Variants in KAT6A observed in about 807,000 individuals in gnomAD.
KAT6A encodes the protein histone acetyltransferase KAT6A.
In KAT6A, 9 loss-of-function variants were observed where a neutral mutation model predicts 198.4. The observed-to-expected ratio is 0.05, with a 90% confidence interval of 0.03 to 0.08. KAT6A has a LOEUF of 0.08. Ranked by LOEUF, KAT6A falls within the 10% of genes least tolerant of loss-of-function variation. KAT6A has a pLI of 1.00. For missense variants in KAT6A, 2,077 were observed against 2,509.9 expected (o/e 0.83, Z 3.69); for synonymous variants, 890 against 883.0 (o/e 1.01, Z -0.14).
intron 1 of KAT6A, among the ~76,000 whole-genome samples, 172 bp downstream of exon 1, chr8:42,051,729 G>A (rs1031783877): frequency 1.4e-5 from 2 of 145,634 alleles, no homozygotes; most frequent in Non-Finnish European, 3.1e-5. Flanking sequence ...GCGAGGGGGC[G>A]GCCACGGCGC....
At chr8:42,036,483 G>A (rs1827382491) in intron 2 of KAT6A, among the ~76,000 whole-genome samples, 1 of 152,088 alleles carries the variant, frequency 6.6e-6, no homozygotes, top group South Asian at 2.1e-4. Flanking sequence ...GGTGGTAGCA[G>A]GCACCTGTAA....
chr8:42,005,496 A>G (rs973222141), intron 2 of KAT6A, among the ~76,000 whole-genome samples: 12 of 152,192 alleles, frequency 7.9e-5, no homozygotes, highest in East Asian at 5.8e-4. Context: ...CACACACACA[A>G]TAAGAGATCA....
At chr8:42,032,658 T>C (rs1406063098) in intron 2 of KAT6A, among the ~76,000 whole-genome samples, 6 of 152,168 alleles carry the variant, frequency 3.9e-5, no homozygotes, top group East Asian at 3.9e-4. Flanking sequence ...AAATTAATAG[T>C]TGGAGCTTAC....
At chr8:41,976,758 G>C (rs1824073364) in intron 7 of KAT6A, among the ~76,000 whole-genome samples, 1 of 152,068 alleles carries the variant, frequency 6.6e-6, no homozygotes, top group African/African-American at 2.4e-5. Context: ...GATTCTTTGT[G>C]GTTCTACAAA....
intron 9 of KAT6A, among the ~76,000 whole-genome samples, chr8:41,950,170 G>C (rs1422185075): frequency 6.6e-6 from 1 of 152,220 alleles, no homozygotes; most frequent in Non-Finnish European, 1.5e-5. Flanking sequence ...GGAAAGCAGT[G>C]TGTTGTTGGC....
intron 8 of KAT6A, among the ~76,000 whole-genome samples, chr8:41,955,769 G>C (rs901590289): frequency 1.3e-5 from 2 of 152,164 alleles, no homozygotes; most frequent in Admixed American, 1.3e-4. Flanking sequence ...TTACAAGTGA[G>C]GGAGGGGGAC....
rs998252444 is a variant in KAT6A at position 42,048,610 on chromosome 8, C to T, written c.368G>A (p.Arg123His). The change falls in exon 2 of 17, where the codon CGT becomes CAT. Residue 123 changes from arginine (R) to histidine (H), a missense_variant. Transcript: ENST00000265713. The part of the protein sequence containing the change: ...SGGSTLKSIE[R>H]FLKGQKDVSA... ...CACATCCTTCTGACCTTTCAAAAAACGTTCAATGCTTTTCAAAGTTGAGCC... is the reference window on the plus strand; with the variant it reads ...CACATCCTTCTGACCTTTCAAAAAATGTTCAATGCTTTTCAAAGTTGAGCC... 3 of 1,614,196 alleles carry T rather than the reference C, an allele frequency of 1.9e-6. No homozygotes were observed. The highest frequency in any genetic ancestry group is 1.7e-5 in the Admixed American group (1 of 60,028).
intron 2 of KAT6A, among the ~76,000 whole-genome samples, chr8:42,027,744 T>A (rs1041406554): frequency 6.6e-6 from 1 of 152,120 alleles, no homozygotes; most frequent in Non-Finnish European, 1.5e-5. Context: ...TTCATTTTGT[T>A]GATTCTTTGT....
At chr8:41,942,085 G>A in intron 14 of KAT6A, 1 of 192,762 alleles carries the variant, frequency 5.2e-6, no homozygotes, top group Non-Finnish European at 1.1e-5. Flanking sequence ...GGATACCGGT[G>A]TTGAAAGGAT....
At chr8:41,946,566 A>T (rs1007486385) in intron 12 of KAT6A, 25 bp downstream of exon 12, 9 of 1,246,334 alleles carry the variant, frequency 7.2e-6, no homozygotes. Flanking sequence ...GGAAAAGACC[A>T]ATGAGAAATT....
chr8:41,934,456 G>C lies in KAT6A; in HGVS notation c.3764C>G (p.Ala1255Gly), dbSNP rs373190705. 75 of 1,607,054 alleles carry C rather than the reference G, an allele frequency of 4.7e-5. 1 individual carries two copies. The East Asian group carries it at 8.3e-4, about 18-fold the overall frequency. ...GGTCTCAGGACTATTGCTGCTGTCT[G>C]CTGGAGAGGCTGCTGGGACTTCACT... Reference protein sequence around the residue: ...ASSEVPAASPADSSNSPETET... With the variant: ...ASSEVPAASPGDSSNSPETET... The change falls in exon 17 of 17, where the codon GCA becomes GGA. Residue 1255 changes from alanine to glycine, a missense_variant. Physicochemically the swap from Ala to Gly is moderately conservative, Grantham distance 60. Around this residue, in one of 13 missense-constraint regions of KAT6A, gnomAD observed 375 missense variants for 383.0 expected, o/e 0.98. Transcript: ENST00000265713.
chr8:41,961,272 T>C (rs1564024630), intron 8 of KAT6A, among the ~76,000 whole-genome samples: 6 of 152,222 alleles, frequency 3.9e-5, no homozygotes. Flanking sequence ...CTTTCACCAA[T>C]ACTATGGCTA....
Position 41,946,597 on chromosome 8 carries a change from C to T in KAT6A, c.1990G>A (p.Asp664Asn), listed in dbSNP as rs371603646. The T allele has an allele frequency of 6.5e-7, 1 of 1,546,880 alleles. No homozygotes were observed. The highest frequency in any genetic ancestry group is 8.9e-7 in the Non-Finnish European group (1 of 1,120,484). ...QRKGYGRFLI[D>N]FSYLLSKREG... ...AAATTAATATAATCCTTACTGAAAT[C>T]GATGAGAAACCTGCCATAGCCCTTA... The change falls in exon 12 of 17, where the codon GAT (aspartate) becomes AAT (asparagine). Residue 664 changes from aspartate to asparagine, a missense_variant. Transcript: ENST00000265713.
rs998211214 is a variant in KAT6A at position 41,931,324 on chromosome 8, C to T, written c.*881G>A. On this transcript the variant is annotated 3_prime_UTR_variant, in exon 17 of 17. Transcript: ENST00000265713. ...GGTGGTAAAAAAACAAGAGGTTAAT[C>T]TCCTCTTTTTGATTGTTAATTGACC... 5 of 218,646 alleles carry T rather than the reference C, an allele frequency of 2.3e-5. No homozygotes were observed. The highest frequency in any genetic ancestry group is 9.0e-5 in the African/African-American group (4 of 44,428). 13.5% of individuals were successfully genotyped at this position (218,646 alleles called of 1,614,324 possible).
chr8:41,995,795 C>A (rs1399942748), intron 2 of KAT6A, among the ~76,000 whole-genome samples: 1 of 151,586 alleles, frequency 6.6e-6, no homozygotes, highest in Non-Finnish European at 1.5e-5. Flanking sequence ...CTTGCCTCAG[C>A]CTCTCGAGTA....
At chr8:41,956,932 C>A (rs1030373565) in intron 8 of KAT6A, 31 of 422,456 alleles carry the variant, frequency 7.3e-5, no homozygotes, top group Non-Finnish European at 1.3e-4. Flanking sequence ...TCTATCTTCA[C>A]AACTCAAAGT....
chr8:41,937,227 C>T (rs780153935), intron 16 of KAT6A, 29 bp downstream of exon 16: 4 of 1,561,172 alleles, frequency 2.6e-6, no homozygotes, highest in African/African-American at 1.4e-5. Flanking sequence ...AGACAATAAA[C>T]CACAGTAAGT....
chr8:41,950,449 C>T (rs748705333), intron 9 of KAT6A, among the ~76,000 whole-genome samples: 1 of 152,126 alleles, frequency 6.6e-6, no homozygotes, highest in Non-Finnish European at 1.5e-5. Context: ...GTAGATACAA[C>T]GGGTGGCACC....
chr8:42,046,306 C>T (rs1802290291), intron 2 of KAT6A, among the ~76,000 whole-genome samples: 1 of 152,018 alleles, frequency 6.6e-6, no homozygotes, highest in African/African-American at 2.4e-5. Context: ...GAGGCAGAGG[C>T]GGGTGGATCA....
Sources: gnomAD v4.1 joint callset for allele counts (sites outside exome capture counted in the v4.1 genomes callset) on GRCh38, gnomAD v4.1.1 for gene constraint, gnomAD v4.1.1 regional missense constraint, MANE v1.5 for transcripts, NCBI Gene and HGNC (gene_info 2026-07-23, HGNC 2026-07-21) for gene names.